GBF1: variants seen among roughly 807,000 people sequenced by gnomAD.
The protein encoded by GBF1 is Golgi-specific brefeldin A-resistance guanine nucleotide exchange factor 1.
GBF1 carries 114 observed loss-of-function variants against 210.5 expected under a neutral mutation model. The ratio of observed to expected loss-of-function variants is 0.54; its 90% CI spans 0.47 to 0.63. GBF1 has a LOEUF of 0.63. Among genes scored for constraint, GBF1 ranks in the 30% least tolerant of loss-of-function variants. The probability of loss-of-function intolerance (pLI) is 0.00; values close to 1 mark genes in which losing one functional copy is unlikely to be tolerated. For missense variants in GBF1, 1,851 were observed against 2,357.7 expected, an observed-to-expected ratio of 0.79 and a Z score of 4.45; for synonymous variants, 850 against 889.2, an observed-to-expected ratio of 0.96 and a Z score of 0.78.
chr10:102,358,810 C>A, intron 10 of GBF1, 81 bp downstream of exon 10: 1 of 891,184 alleles, frequency 1.1e-6, no homozygotes, highest in Non-Finnish European at 1.8e-6. Flanking sequence ...TTATGCAGGA[C>A]TTGGCTCGAA....
At position 102,363,392 on chromosome 10, in the gene GBF1, TG is replaced by T; in HGVS notation, c.2017+1del. 1.2e-6 allele frequency: 2 copies of T among 1,613,140 alleles called. No homozygotes were observed. The highest frequency in any genetic ancestry group is 1.7e-6 in the Non-Finnish European group (2 of 1,179,488). ...CSDLEEAVDS[G>X]ADKKFARKPP... ...GTGATCTGGAGGAAGCTGTTGACTC[TG>T]GGGGTGGGTACTGGGTGTCCATGAC... On this transcript the variant is annotated frameshift_variant, in exon 16 of 40. Transcript: ENST00000369983. LOFTEE classifies it high-confidence loss of function. The surrounding 1 kb of genome is among the most constrained non-coding windows in gnomAD (Gnocchi z 4.2).
Position 102,363,609 on chromosome 10 carries a change from CCTT to C in GBF1, c.2018-97_2018-95del, listed in dbSNP as rs1442193340. 1.4e-4 allele frequency: 122 copies of C among 856,968 alleles called. No individual in the cohort carries two copies. The highest frequency in any genetic ancestry group is 4.5e-4 in the Middle Eastern group (2 of 4,424). 53.1% of individuals were successfully genotyped at this position (856,968 alleles called of 1,614,324 possible). ...TGGTGAGGACAAGATTTCTGAGGCT[CCTT>C]CTTGAAACTGGGGAGTATATTGGTG... On this transcript the variant is annotated intron_variant, in intron 16 of 39. Coordinates refer to ENST00000369983, the MANE Select transcript of GBF1 (RefSeq NM_001377137.1). The surrounding 1 kb of genome is among the most constrained non-coding windows in gnomAD (Gnocchi z 4.2).
chr10:102,352,628 C>T, intron 7 of GBF1, 110 bp downstream of exon 7: 1 of 751,214 alleles, frequency 1.3e-6, no homozygotes, highest in Non-Finnish European at 2.4e-6. Context: ...CATCAGAGGC[C>T]ACTGGGATTA....
intron 3 of GBF1, among the ~76,000 whole-genome samples, chr10:102,337,561 C>T (rs557619105): frequency 2.0e-5 from 3 of 151,986 alleles, no homozygotes; most frequent in South Asian, 2.1e-4. Flanking sequence ...TAGAAATATC[C>T]TTACTAAAGG....
At chr10:102,238,020 G>A in the GBF1 span, among the ~76,000 whole-genome samples, 2 of 152,166 alleles carry the variant, frequency 1.3e-5, no homozygotes, top group African/African-American at 4.8e-5. Flanking sequence ...GGGCAGGGAA[G>A]AAATAGGAAA....
At chr10:102,281,521 A>C (rs2075474252) in intron 3 of GBF1, among the ~76,000 whole-genome samples, 1 of 150,620 alleles carries the variant, frequency 6.6e-6, no homozygotes, top group Non-Finnish European at 1.5e-5. Context: ...TAAAGCACAT[A>C]AATTATAATC....
intron 3 of GBF1, among the ~76,000 whole-genome samples, chr10:102,271,138 T>C (rs1481800224): frequency 4.0e-5 from 6 of 151,112 alleles, no homozygotes; most frequent in Admixed American, 1.3e-4. Context: ...CCTGGGTTCA[T>C]GCCATTCTCC....
the GBF1 span, among the ~76,000 whole-genome samples, chr10:102,236,706 C>A: frequency 6.6e-6 from 1 of 152,208 alleles, no homozygotes; most frequent in African/African-American, 2.4e-5. Context: ...CCACTTAAGT[C>A]CTGAAGCCAG....
At chr10:102,238,471 G>A in the GBF1 span, among the ~76,000 whole-genome samples, 4 of 152,160 alleles carry the variant, frequency 2.6e-5, no homozygotes, top group Admixed American at 2.0e-4. Flanking sequence ...CTCAGACAGC[G>A]GCAGGGGTAG....
chr10:102,322,079 T>G (rs2056456391), intron 3 of GBF1, among the ~76,000 whole-genome samples: 1 of 152,180 alleles, frequency 6.6e-6, no homozygotes, highest in Admixed American at 6.5e-5. Flanking sequence ...AAGCTGGTCT[T>G]GAACTCCTGG....
chr10:102,381,327 C>A, intron 39 of GBF1, 72 bp downstream of exon 39: 1 of 1,492,934 alleles, frequency 6.7e-7, no homozygotes, highest in Non-Finnish European at 9.2e-7. Flanking sequence ...CCCAAGGGGG[C>A]GTGGGAATGC....
chr10:102,316,940 A>C (rs1475553316), intron 3 of GBF1, among the ~76,000 whole-genome samples: 1 of 152,194 alleles, frequency 6.6e-6, no homozygotes, highest in Non-Finnish European at 1.5e-5. Context: ...ATTTTAAATA[A>C]TTATTTTAAA....
At position 102,366,338 on chromosome 10, in the gene GBF1, G is replaced by A. The variant is rs201902349; in HGVS notation, c.2310-45G>A. On this transcript the variant is annotated intron_variant, in intron 18 of 39. Coordinates refer to ENST00000369983, the MANE Select transcript of GBF1 (RefSeq NM_001377137.1). The surrounding 1 kb of genome is among the most constrained non-coding windows in gnomAD (Gnocchi z 4.0). ...CAGTGACTAAAAGAGCCTGACATGTGCAGCTTACACATTTTCAGCCTCTTC... is the reference window on the plus strand; with the variant it reads ...CAGTGACTAAAAGAGCCTGACATGTACAGCTTACACATTTTCAGCCTCTTC... 842 of 1,610,652 alleles carry A rather than the reference G, an allele frequency of 5.2e-4. 10 individuals are homozygous for A. The highest frequency in any genetic ancestry group is 5.5e-4 in the South Asian group (50 of 90,966).
the GBF1 span, chr10:102,230,904 G>A: frequency 2.5e-6 from 4 of 1,611,974 alleles, no homozygotes; most frequent in South Asian, 4.4e-5. Flanking sequence ...CCGAGTTGAA[G>A]GCGAATGGAA....
chr10:102,279,967 T>G (rs961758031), intron 3 of GBF1, among the ~76,000 whole-genome samples: 4 of 152,006 alleles, frequency 2.6e-5, no homozygotes, highest in Admixed American at 6.6e-5. Flanking sequence ...AATTTTTTTT[T>G]GTTTTAATTA....
chr10:102,353,653 A>C lies in GBF1; in HGVS notation c.638A>C (p.Lys213Thr). The change falls in exon 8 of 40, where the codon AAG (lysine) becomes ACG (threonine). Residue 213 changes from lysine to threonine, a missense_variant and splice_region_variant. Lys to Thr is a moderately conservative substitution (Grantham distance 78, BLOSUM62 -1). This residue lies in a region of GBF1 where 804 missense variants were observed against 958.6 expected (regional missense o/e 0.84). Transcript: ENST00000369983. ...PKNYVGTNMK[K>T]LKMRAGGMSD... ...AACTATGTGGGGACCAACATGAAGA[A>C]GGTATGATCTGAGAGCTGATCTGCT... The C allele has an allele frequency of 6.2e-7, 1 of 1,606,480 alleles. No individual in the cohort carries two copies. The highest frequency in any genetic ancestry group is 8.5e-7 in the Non-Finnish European group (1 of 1,172,992).
chr10:102,330,292 C>G (rs2057237778), intron 3 of GBF1, among the ~76,000 whole-genome samples: 1 of 152,108 alleles, frequency 6.6e-6, no homozygotes, highest in South Asian at 2.1e-4. Context: ...CCTCTTAGAG[C>G]CTCGGTGTCC....
At position 102,293,880 on chromosome 10, in the gene GBF1, C is replaced by G. The variant is rs750894048; in HGVS notation, c.163+33764C>G. On this transcript the variant is annotated intron_variant, in intron 3 of 39. Transcript: ENST00000369983. The stretch of plus-strand genomic sequence containing the variant: ...GCAAGCTCAACCTCCCGGGTTCACA[C>G]CATTCTCCTGCCTCAGCTTCCCGAG... 3.4e-5 allele frequency among the ~76,000 whole-genome samples: 5 copies of G among 147,306 alleles called. No individual in the cohort carries two copies. In the Admixed American group the frequency reaches 3.5e-4, roughly 10 times the overall value.
intron 11 of GBF1, 29 bp from the exon 12 acceptor site, chr10:102,360,155 A>G: frequency 7.4e-7 from 1 of 1,352,324 alleles, no homozygotes; most frequent in African/African-American, 1.4e-5. Flanking sequence ...GTTTTATAGC[A>G]GTCTCACTCT....
Sources: gnomAD v4.1 joint callset for allele counts (sites outside exome capture counted in the v4.1 genomes callset) on GRCh38, gnomAD v4.1.1 for gene constraint, gnomAD v4.1.1 regional missense constraint, Gnocchi (gnomAD v3.1) non-coding constraint, MANE v1.5 for transcripts, NCBI Gene and HGNC (gene_info 2026-07-23, HGNC 2026-07-21) for gene names.